PITPNM3: variants seen among roughly 807,000 people sequenced by gnomAD.
PITPNM3 encodes PITPNM family member 3.
Under a neutral mutation model 102.0 loss-of-function variants are expected in PITPNM3, and 26 were observed. The observed-to-expected ratio is 0.25, with a 90% CI of 0.19 to 0.35. PITPNM3 has a LOEUF of 0.35. Ranked by LOEUF, PITPNM3 falls within the 10% of genes least tolerant of loss-of-function variation. The probability of loss-of-function intolerance (pLI) is 1.00; values close to 1 mark genes in which losing one functional copy is unlikely to be tolerated. For missense variants in PITPNM3, 1,083 were observed against 1,346.1 expected, an observed-to-expected ratio of 0.80 and a Z score of 3.06; for synonymous variants, 578 against 558.6, an observed-to-expected ratio of 1.03 and a Z score of -0.49.
chr17:6,551,958 C>T (rs1479323375), intron 1 of PITPNM3, among the ~76,000 whole-genome samples: 1 of 152,176 alleles, frequency 6.6e-6, no homozygotes, highest in Non-Finnish European at 1.5e-5. Flanking sequence ...CCAGGCTCTG[C>T]CGTCACCTTC....
At chr17:6,497,973 G>A (rs941155713) in intron 4 of PITPNM3, among the ~76,000 whole-genome samples, 5 of 152,306 alleles carry the variant, frequency 3.3e-5, no homozygotes, top group South Asian at 4.1e-4. Flanking sequence ...TGAGGCAGCC[G>A]CAGGTCTCCT....
chr17:6,461,319 G>A, intron 18 of PITPNM3, 54 bp downstream of exon 18: 1 of 1,572,558 alleles, frequency 6.4e-7, no homozygotes. Context: ...GAGCGGTGGA[G>A]AGGAGGGCTG....
chr17:6,503,542 G>C lies in PITPNM3; in HGVS notation c.259C>G (p.Leu87Val). 6.2e-7 allele frequency: 1 copy of C among 1,612,606 alleles called. No individual in the cohort carries two copies. Among genetic ancestry groups the C allele is most frequent in the Non-Finnish European group, 8.5e-7 (1 of 1,180,020 alleles). Residue 87 changes from leucine (L) to valine (V), a missense_variant, in exon 4 of 20, where the codon CTC (leucine) becomes GTC (valine). By Grantham distance (32) the Leu-to-Val change is conservative (BLOSUM62 1). Transcript: ENST00000262483. ...CTTGACTCACGCTGCTTCTCCTGGAGGATGCTGGATGTGCACGGCGCGGTC... is the reference window on the plus strand; with the variant it reads ...CTTGACTCACGCTGCTTCTCCTGGACGATGCTGGATGTGCACGGCGCGGTC... The part of the protein sequence containing the change: ...EGTAPCTSSI[L>V]QEKQRELYRV...
At chr17:6,524,872 C>A (rs1908737978) in intron 3 of PITPNM3, among the ~76,000 whole-genome samples, 1 of 152,172 alleles carries the variant, frequency 6.6e-6, no homozygotes, top group South Asian at 2.1e-4. Context: ...AAACTCTTCT[C>A]CATAGAAAGC....
At chr17:6,512,723 A>G (rs2150623783) in intron 3 of PITPNM3, among the ~76,000 whole-genome samples, 1 of 152,264 alleles carries the variant, frequency 6.6e-6, no homozygotes, top group Admixed American at 6.5e-5. Flanking sequence ...AGCTCTCTGG[A>G]ATGCTAGAGG....
rs191553242 is a variant in PITPNM3 at position 6,552,244 on chromosome 17, C to T, written c.22+4141G>A. Among the ~76,000 whole-genome samples the T allele has an allele frequency of 4.3e-3, 652 of 152,294 alleles. 5 individuals carry two copies. The highest frequency in any genetic ancestry group is 4.0e-3 in the Non-Finnish European group (271 of 68,032). ...TCTGTCTCTGCAGATATTCCTGCCC[C>T]AGCCTGAGAGGTGCCAAGACCCTCT... On this transcript the variant is annotated intron_variant, in intron 1 of 19. Coordinates refer to ENST00000262483, the MANE Select transcript of PITPNM3 (RefSeq NM_031220.4).
chr17:6,482,022 C>G (rs866436209), intron 6 of PITPNM3, among the ~76,000 whole-genome samples: 42 of 109,720 alleles, frequency 3.8e-4, no homozygotes, highest in Middle Eastern at 5.0e-3. Context: ...CTCTCTCTCT[C>G]TCTCTCTCTC....
rs756041080 is a variant in PITPNM3 at position 6,478,869 on chromosome 17, C to T, written c.588-133G>A. The T allele has an allele frequency of 2.8e-5, 25 of 878,998 alleles. No individual in the cohort carries two copies. Among genetic ancestry groups the T allele is most frequent in the Non-Finnish European group, 3.9e-5 (23 of 586,156 alleles). The allele number at this position is 878,998 out of a possible 1,614,324, so 54.4% of individuals were successfully genotyped here. ...CAGGGACCCTTCAGGAAGACCCAGG[C>T]AGGAGCCTGGTGACACAGAGCACAG... is the stretch of plus-strand genomic sequence containing the variant. On this transcript the variant is annotated intron_variant, in intron 6 of 19. Transcript: ENST00000262483. This position sits in a 1 kb window ranked among gnomAD's most constrained non-coding sequence, Gnocchi z 4.4.
chr17:6,545,358 C>T (rs1262727107), intron 1 of PITPNM3, among the ~76,000 whole-genome samples: 1 of 152,022 alleles, frequency 6.6e-6, no homozygotes, highest in Non-Finnish European at 1.5e-5. Context: ...AAGGGCAGAC[C>T]CCTCTCCTTC....
chr17:6,462,428 C>T (rs889351721), intron 17 of PITPNM3, among the ~76,000 whole-genome samples: 1 of 152,170 alleles, frequency 6.6e-6, no homozygotes, highest in African/African-American at 2.4e-5. Flanking sequence ...TTTGCTGCCC[C>T]CTGAACAAAC....
intron 3 of PITPNM3, among the ~76,000 whole-genome samples, chr17:6,508,800 C>G (rs995114828): frequency 6.6e-6 from 1 of 152,130 alleles, no homozygotes; most frequent in Non-Finnish European, 1.5e-5. Context: ...GTGTGGCGCC[C>G]GGACAGTAGG....
rs1472476993 is a variant in PITPNM3 at position 6,478,179 on chromosome 17, C to A, written c.778-82G>T. 8.2e-6 allele frequency: 13 copies of A among 1,593,708 alleles called. No individual in the cohort carries two copies. In the Admixed American group the frequency reaches 2.2e-4, roughly 27 times the overall value. The stretch of plus-strand genomic sequence containing the variant: ...CACCCGGCCAGAGCAGTGCTGCCTC[C>A]CCACAGGAGAATGAGAAACTCGTCC... On this transcript the variant is annotated intron_variant, in intron 7 of 19. Transcript: ENST00000262483. This position sits in a 1 kb window ranked among gnomAD's most constrained non-coding sequence, Gnocchi z 4.4.
chr17:6,471,140 C>T, intron 12 of PITPNM3, 21 bp downstream of exon 12: 1 of 1,611,228 alleles, frequency 6.2e-7, no homozygotes, highest in Non-Finnish European at 8.5e-7. Context: ...CCAGGCAGGG[C>T]CCCAAAAGGA....
intron 1 of PITPNM3, 86 bp from the exon 2 acceptor site, chr17:6,538,168 G>T: frequency 1.0e-6 from 1 of 953,228 alleles, no homozygotes; most frequent in Non-Finnish European, 1.7e-6. Flanking sequence ...TGGACTAAAG[G>T]CCAGTTAGCA....
In PITPNM3 at chr17:6,453,135, CTCTCTCTCCCTCTCTCTCTT is replaced by C. The variant is rs1913940808; in HGVS notation, c.*2183_*2202del. ...TCTCTTTCTCTCTCCCTCTCTCTCT[CTCTCTCTCCCTCTCTCTCTT>C]TCTCTCTCCCTCTCCCTCTCTCGCC... On this transcript the variant is annotated 3_prime_UTR_variant, in exon 20 of 20. Transcript: ENST00000262483. 7.2e-6 allele frequency: 1 copy of C among 138,848 alleles called. No individual in the cohort carries two copies. Among genetic ancestry groups the C allele is most frequent in the Admixed American group, 6.9e-5 (1 of 14,512 alleles). 8.6% of individuals were successfully genotyped at this position (138,848 alleles called of 1,614,324 possible).
chr17:6,476,855 C>T (rs1253995465), intron 9 of PITPNM3, among the ~76,000 whole-genome samples, 174 bp downstream of exon 9: 5 of 152,168 alleles, frequency 3.3e-5, no homozygotes, highest in Admixed American at 6.5e-5. Context: ...TACAGGGCTG[C>T]CGACGAGTGG....
At chr17:6,483,962 T>C (rs373946197) in intron 5 of PITPNM3, among the ~76,000 whole-genome samples, 16 of 152,094 alleles carry the variant, frequency 1.1e-4, no homozygotes, top group East Asian at 5.8e-4. Flanking sequence ...TGCTGTGTGA[T>C]AGAACCTCTG....
rs1905935787 is a variant in PITPNM3, at chr17:6,484,260, T to C, written c.307A>G (p.Arg103Gly). 4.3e-6 allele frequency: 7 copies of C among 1,612,052 alleles called. No individual in the cohort carries two copies. The East Asian group carries it at 1.6e-4, about 36-fold the overall frequency. Residue 103 changes from arginine to glycine, a missense_variant, in exon 5 of 20, where the codon AGG (arginine) becomes GGG (glycine). Physicochemically the swap from Arg to Gly is moderately radical, Grantham distance 125. Around this residue, in one of 5 missense-constraint regions of PITPNM3, gnomAD observed 290 missense variants for 337.8 expected, o/e 0.86. Coordinates refer to ENST00000262483, the MANE Select transcript of PITPNM3 (RefSeq NM_031220.4). ...ELYRVSLRRQ[R>G]FPAQGSIEIH... The stretch of plus-strand genomic sequence containing the variant: ...TCGATGCTTCCCTGGGCTGGGAACC[T>C]CTGTCTTCTCAAGGAAACCCGGTAC...
rs1914012727 is a variant in PITPNM3 at position 6,454,827 on chromosome 17, A to G, written c.*511T>C. ...GTGCTCTCACTCCCAGAAAGTGGCC[A>G]TCTTGCCATAAGAGCGCCAACCCCA... On this transcript the variant is annotated 3_prime_UTR_variant, in exon 20 of 20. Coordinates refer to ENST00000262483, the MANE Select transcript of PITPNM3 (RefSeq NM_031220.4). 6.3e-6 allele frequency: 1 copy of G among 157,660 alleles called. No homozygotes were observed. Among genetic ancestry groups the G allele is most frequent in the East Asian group, 1.9e-4 (1 of 5,262 alleles). The allele number at this position is 157,660 out of a possible 1,614,324, so 9.8% of individuals were successfully genotyped here.
Sources: gnomAD v4.1 joint callset for allele counts (sites outside exome capture counted in the v4.1 genomes callset) on GRCh38, gnomAD v4.1.1 for gene constraint, gnomAD v4.1.1 regional missense constraint, Gnocchi (gnomAD v3.1) non-coding constraint, MANE v1.5 for transcripts, NCBI Gene and HGNC (gene_info 2026-07-23, HGNC 2026-07-21) for gene names.